The following HMGB1 variants were observed in gnomAD, a reference collection of about 807,000 sequenced individuals.
HMGB1 encodes high mobility group protein B1.
For synonymous variants in HMGB1, 81 were observed against 84.0 expected (o/e 0.96, Z 0.19); for missense variants, 79 against 253.5 (o/e 0.31, Z 4.67).
intron 1 of HMGB1, among the ~76,000 whole-genome samples, chr13:30,557,380 C>T (rs778535502): frequency 1.3e-5 from 2 of 152,164 alleles, no homozygotes; most frequent in Non-Finnish European, 2.9e-5. Flanking sequence ...AAAAAGAATG[C>T]CTAGTCTATG....
In HMGB1 at chr13:30,534,268, A is replaced by C. The variant is rs546311617; in HGVS notation, c.-14-70574T>G. 2.0e-5 allele frequency among the ~76,000 whole-genome samples: 3 copies of C among 152,280 alleles called. No homozygotes were observed. In the East Asian group the frequency reaches 5.8e-4, roughly 29 times the overall value. ...TGAGCTGGTCCCATTTCCCCTGCTC[A>C]CTCAGCCAGTTCAGTCACACTCCAC... On this transcript the variant is annotated intron_variant, in intron 1 of 4. Transcript: ENST00000405805.
chr13:30,519,373 A>T (rs1888177215), intron 1 of HMGB1, among the ~76,000 whole-genome samples: 1 of 143,280 alleles, frequency 7.0e-6, no homozygotes, highest in Non-Finnish European at 1.5e-5. Flanking sequence ...AGCCTGAGTG[A>T]CAGAGTGACA....
Position 30,586,191 on chromosome 13 carries a change from A to T in HMGB1, c.-15+30480T>A, listed in dbSNP as rs569914026. 7.2e-5 allele frequency among the ~76,000 whole-genome samples: 11 copies of T among 152,208 alleles called. No individual in the cohort carries two copies. In the East Asian group the frequency reaches 2.1e-3, roughly 29 times the overall value. On this transcript the variant is annotated intron_variant, in intron 1 of 4. Transcript: ENST00000405805. The stretch of plus-strand genomic sequence containing the variant: ...AAGAGATCCTTCTACCTCAGCTGGG[A>T]CTACAGGCATGCACAGCTATGCCTG...
At chr13:30,587,201 T>C (rs962960609) in intron 1 of HMGB1, among the ~76,000 whole-genome samples, 9 of 152,210 alleles carry the variant, frequency 5.9e-5, no homozygotes, top group African/African-American at 2.2e-4. Context: ...TCTCACAACT[T>C]TATAAATACA....
chr13:30,510,507 C>T (rs775945165), intron 1 of HMGB1, among the ~76,000 whole-genome samples: 3 of 152,020 alleles, frequency 2.0e-5, no homozygotes, highest in Non-Finnish European at 4.4e-5. Context: ...AACTTACCAG[C>T]CCCAGTTTGC....
At chr13:30,501,986 C>A (rs1887745311) in intron 1 of HMGB1, among the ~76,000 whole-genome samples, 1 of 152,176 alleles carries the variant, frequency 6.6e-6, no homozygotes, top group Admixed American at 6.5e-5. Context: ...ACTGGGGAAA[C>A]TCCTTTCATA....
At chr13:30,493,199 T>A in intron 1 of HMGB1, among the ~76,000 whole-genome samples, 1 of 151,918 alleles carries the variant, frequency 6.6e-6, no homozygotes, top group African/African-American at 2.4e-5. Flanking sequence ...AATTTGTTTA[T>A]GCCATAAACA....
At chr13:30,500,350 T>G (rs141388503) in intron 1 of HMGB1, among the ~76,000 whole-genome samples, 5,444 of 152,062 alleles carry the variant, frequency 0.036, 256 homozygotes, top group African/African-American at 0.11. Context: ...CACCAGGAGA[T>G]GCAAGTTGAG....
chr13:30,498,871 C>T (rs1411075871), intron 1 of HMGB1, among the ~76,000 whole-genome samples: 1 of 151,588 alleles, frequency 6.6e-6, no homozygotes, highest in Non-Finnish European at 1.5e-5. Flanking sequence ...TGGTCTTGAA[C>T]TTCTGACCTC....
intron 1 of HMGB1, among the ~76,000 whole-genome samples, chr13:30,476,972 T>C (rs1363318461): frequency 1.3e-5 from 2 of 152,154 alleles, no homozygotes; most frequent in East Asian, 1.9e-4. Flanking sequence ...GAGAGATTCG[T>C]TGAATTGTCC....
chr13:30,576,737 C>T (rs1870673054), intron 1 of HMGB1, among the ~76,000 whole-genome samples: 2 of 152,020 alleles, frequency 1.3e-5, no homozygotes, highest in South Asian at 4.2e-4. Flanking sequence ...CTACAGTAAC[C>T]TCAACCGAAC....
chr13:30,551,299 G>A (rs1231153591), intron 1 of HMGB1, among the ~76,000 whole-genome samples: 2 of 151,962 alleles, frequency 1.3e-5, no homozygotes, highest in Non-Finnish European at 2.9e-5. Flanking sequence ...CTTCTCTTTG[G>A]GGTTTAAAAG....
At chr13:30,555,811 C>T (rs1226740859) in intron 1 of HMGB1, among the ~76,000 whole-genome samples, 1 of 152,114 alleles carries the variant, frequency 6.6e-6, no homozygotes, top group Non-Finnish European at 1.5e-5. Flanking sequence ...GCTTTGGGAC[C>T]TCAAAAGTAG....
At chr13:30,553,430 T>C (rs1282705019) in intron 1 of HMGB1, among the ~76,000 whole-genome samples, 1 of 152,224 alleles carries the variant, frequency 6.6e-6, no homozygotes, top group Non-Finnish European at 1.5e-5. Context: ...CTTGGGCACA[T>C]AATTTAACTT....
intron 1 of HMGB1, among the ~76,000 whole-genome samples, chr13:30,611,039 A>C (rs754813377): frequency 6.6e-6 from 1 of 152,218 alleles, no homozygotes; most frequent in Non-Finnish European, 1.5e-5. Context: ...CTGACCCTCA[A>C]TTTAGCTGTC....
At position 30,559,100 on chromosome 13, in the gene HMGB1, C is replaced by T. The variant is rs2137522253; in HGVS notation, c.-15+57571G>A. Among the ~76,000 whole-genome samples, 1 of 152,160 alleles carries T rather than the reference C, an allele frequency of 6.6e-6. No homozygotes were observed. Among genetic ancestry groups the T allele is most frequent in the East Asian group, 1.9e-4 (1 of 5,184 alleles). On this transcript the variant is annotated intron_variant, in intron 1 of 4. Transcript: ENST00000405805. The surrounding 1 kb of genome is among the most constrained non-coding windows in gnomAD (Gnocchi z 6.6). ...AATTTTTAAAAATATCTTTTGAGGA[C>T]TTCTCTAGAAATAGGTGAGTCTGTT...
chr13:30,553,707 G>T (rs1436194250), intron 1 of HMGB1: 2 of 1,016,458 alleles, frequency 2.0e-6, no homozygotes, highest in Non-Finnish European at 3.1e-6. Flanking sequence ...CAAGGAGTTG[G>T]ATGCTCAGCA....
intron 1 of HMGB1, among the ~76,000 whole-genome samples, chr13:30,571,297 T>TG (rs1443043788): frequency 2.6e-5 from 4 of 151,334 alleles, no homozygotes; most frequent in African/African-American, 9.7e-5. Flanking sequence ...AAATGGTTTT[T>TG]TTTTTTTTTT....
chr13:30,474,935 CTTTTTTTTTTCTTTTCTTTTTTTGTT>C (rs1887039489), intron 1 of HMGB1, among the ~76,000 whole-genome samples: 1 of 91,234 alleles, frequency 1.1e-5, no homozygotes, highest in African/African-American at 4.1e-5. Flanking sequence ...CTCTCTTTCT[CTTTTTTTTTTCTTTTCTTTTTTTGTT>C]TTTTTTTTTT....
Sources: allele counts gnomAD v4.1 joint callset (sites outside exome capture counted in the v4.1 genomes callset), GRCh38; gene constraint gnomAD v4.1.1; non-coding constraint Gnocchi (gnomAD v3.1); transcripts MANE v1.5; gene names NCBI Gene and HGNC (gene_info 2026-07-23, HGNC 2026-07-21).